LRRC8B: variants seen among roughly 807,000 people sequenced by gnomAD.
LRRC8B encodes the protein volume-regulated anion channel subunit LRRC8B.
Under a neutral mutation model 58.8 loss-of-function variants are expected in LRRC8B, and 23 were observed. That is an observed-to-expected ratio of 0.39 (90% confidence interval 0.28 to 0.55). The LOEUF is 0.55. LRRC8B is among the 20% of genes least tolerant of loss of function. LRRC8B has a pLI of 0.62. For missense variants in LRRC8B, 694 were observed against 936.0 expected (o/e 0.74, Z 3.37); for synonymous variants, 359 against 374.1 (o/e 0.96, Z 0.47).
rs200406835 is a variant in LRRC8B, at chr1:89,592,845, G to T, written c.2214G>T (p.Met738Ile). The change falls in exon 6 of 6, where the codon ATG becomes ATT. Residue 738 changes from methionine to isoleucine, a missense_variant. Coordinates refer to ENST00000330947, the MANE Select transcript of LRRC8B (RefSeq NM_001369817.2). Reference protein sequence around the residue: ...QCLLLGKNSLMNLSPHVGELS... With the variant: ...QCLLLGKNSLINLSPHVGELS... ...TACTTTTGGGGAAAAATAGCTTGAT[G>T]AATTTGTCCCCTCATGTGGGTGAGC... The T allele has an allele frequency of 1.2e-6, 2 of 1,614,026 alleles. No homozygotes were observed. The highest frequency in any genetic ancestry group is 1.7e-6 in the Non-Finnish European group (2 of 1,179,966).
chr1:89,537,183 G>C (rs2100816594), intron 1 of LRRC8B, among the ~76,000 whole-genome samples: 1 of 152,214 alleles, frequency 6.6e-6, no homozygotes, highest in African/African-American at 2.4e-5. Flanking sequence ...CTTGAGGCTT[G>C]AGTTCAAGGC....
At chr1:89,531,280 A>G (rs1309919939) in intron 1 of LRRC8B, among the ~76,000 whole-genome samples, 1 of 152,278 alleles carries the variant, frequency 6.6e-6, no homozygotes, top group East Asian at 1.9e-4. Flanking sequence ...TCTATGAAAC[A>G]AAGTGATAAT....
chr1:89,575,802 G>T (rs1557615359), intron 3 of LRRC8B, among the ~76,000 whole-genome samples: 1 of 152,096 alleles, frequency 6.6e-6, no homozygotes, highest in Non-Finnish European at 1.5e-5. Flanking sequence ...CTTGACTCCT[G>T]CCTCTCCGTG....
At position 89,556,136 on chromosome 1, in the gene LRRC8B, C is replaced by G. The variant is rs1204632496; in HGVS notation, c.-240-12111C>G. Among the ~76,000 whole-genome samples, 3 of 151,984 alleles carry G rather than the reference C, an allele frequency of 2.0e-5. No individual in the cohort carries two copies. The South Asian group carries it at 6.2e-4, about 32-fold the overall frequency. ...ACTGGAGATTTTCAGTCACTAACGG[C>G]CAATGTTATTTAATCAATGATGCCT... is the stretch of plus-strand genomic sequence containing the variant. On this transcript the variant is annotated intron_variant, in intron 1 of 5. Coordinates refer to ENST00000330947, the MANE Select transcript of LRRC8B (RefSeq NM_001369817.2).
chr1:89,529,863 A>AT (rs146916467), intron 1 of LRRC8B, among the ~76,000 whole-genome samples: 52 of 149,882 alleles, frequency 3.5e-4, no homozygotes, highest in South Asian at 3.0e-3. Flanking sequence ...ATTTCACAGT[A>AT]TTTTTTTTTT....
chr1:89,574,005 G>A (rs1454472050), intron 3 of LRRC8B, among the ~76,000 whole-genome samples: 1 of 152,214 alleles, frequency 6.6e-6, no homozygotes, highest in African/African-American at 2.4e-5. Context: ...TAAGAGACTT[G>A]TAGCATCTGC....
intron 1 of LRRC8B, among the ~76,000 whole-genome samples, chr1:89,539,307 G>GC (rs1324512443): frequency 6.6e-6 from 1 of 151,928 alleles, no homozygotes; most frequent in African/African-American, 2.4e-5. Flanking sequence ...TCATCTGTAT[G>GC]CCCTGTTACT....
rs1655327383 is a variant in LRRC8B, at chr1:89,596,765, A to G, written c.*3722A>G. 2 of 152,154 alleles carry G rather than the reference A, an allele frequency of 1.3e-5. No homozygotes were observed. Among genetic ancestry groups the G allele is most frequent in the African/African-American group, 4.8e-5 (2 of 41,438 alleles). The allele number at this position is 152,154 out of a possible 1,614,324, so 9.4% of individuals were successfully genotyped here. On this transcript the variant is annotated 3_prime_UTR_variant, in exon 6 of 6. Transcript: ENST00000330947. ...TATTTGTGCCAGAAGATTTGCAATG[A>G]TATTTGAGCATGTATTTATTTAGGA...
At chr1:89,592,039 C>T (rs1655012942) in intron 5 of LRRC8B, among the ~76,000 whole-genome samples, 1 of 152,084 alleles carries the variant, frequency 6.6e-6, no homozygotes, top group South Asian at 2.1e-4. Flanking sequence ...TACTGTGGCG[C>T]CCTTAGAAAT....
In LRRC8B at chr1:89,582,728, C is replaced by A; in HGVS notation, c.78C>A (p.Val26=). The change falls in exon 5 of 6, where the codon GTC becomes GTA. Residue 26 remains valine (V), a synonymous_variant. Coordinates refer to ENST00000330947, the MANE Select transcript of LRRC8B (RefSeq NM_001369817.2). ...ACATCTTAAAACCATGGTGGGACGT[C>A]TTCTGGTATTACATCACACTGATCA... ...SYHILKPWWD[V]FWYYITLIML... 1 of 1,614,198 alleles carries A rather than the reference C, an allele frequency of 6.2e-7. No individual in the cohort carries two copies. Among genetic ancestry groups the A allele is most frequent in the Non-Finnish European group, 8.5e-7 (1 of 1,180,028 alleles).
chr1:89,540,875 C>G (rs1444578148), intron 1 of LRRC8B, among the ~76,000 whole-genome samples: 2 of 152,186 alleles, frequency 1.3e-5, no homozygotes, highest in Non-Finnish European at 2.9e-5. Flanking sequence ...TTCCTTTTAT[C>G]AGAAGATCCT....
At chr1:89,587,581 C>A (rs1049110067) in intron 5 of LRRC8B, among the ~76,000 whole-genome samples, 1 of 152,146 alleles carries the variant, frequency 6.6e-6, no homozygotes, top group South Asian at 2.1e-4. Flanking sequence ...CATAGTTAGA[C>A]ATGCATATAC....
chr1:89,531,327 T>C (rs1489205422), intron 1 of LRRC8B, among the ~76,000 whole-genome samples: 1 of 152,258 alleles, frequency 6.6e-6, no homozygotes, highest in Non-Finnish European at 1.5e-5. Flanking sequence ...AATTTTATTA[T>C]GTGCACATGT....
chr1:89,544,070 A>G (rs1398005670), intron 1 of LRRC8B, among the ~76,000 whole-genome samples: 1 of 152,232 alleles, frequency 6.6e-6, no homozygotes, highest in Non-Finnish European at 1.5e-5. Flanking sequence ...TGCTGAGATT[A>G]CCATCATAAG....
chr1:89,583,181 A>T lies in LRRC8B; in HGVS notation c.531A>T (p.Ser177=). 1.9e-6 allele frequency: 3 copies of T among 1,614,186 alleles called. No homozygotes were observed. The highest frequency in any genetic ancestry group is 2.5e-6 in the Non-Finnish European group (3 of 1,180,038). ...TTTCAGAAACAGTGGCTGAGCAGTCAGTGAGGCCTCTGAAACTCTCCAAGT... is the reference window on the plus strand; with the variant it reads ...TTTCAGAAACAGTGGCTGAGCAGTCTGTGAGGCCTCTGAAACTCTCCAAGT... ...RALSETVAEQ[S]VRPLKLSKSK... Residue 177 remains serine (S), a synonymous_variant, in exon 5 of 6, where the codon TCA becomes TCT. Coordinates refer to ENST00000330947, the MANE Select transcript of LRRC8B (RefSeq NM_001369817.2). The surrounding 1 kb of genome is among the most constrained non-coding windows in gnomAD (Gnocchi z 5.2).
chr1:89,585,705 A>G (rs1654575362), intron 5 of LRRC8B, among the ~76,000 whole-genome samples: 1 of 152,140 alleles, frequency 6.6e-6, no homozygotes, highest in Admixed American at 6.6e-5. Context: ...GCTACTCAGG[A>G]GCCTGAGGCA....
intron 1 of LRRC8B, among the ~76,000 whole-genome samples, chr1:89,546,200 G>A (rs1421810325): frequency 6.6e-6 from 1 of 152,156 alleles, no homozygotes; most frequent in East Asian, 1.9e-4. Flanking sequence ...ATTTGATGGT[G>A]GGGGAGGATT....
chr1:89,578,471 T>G (rs1044685560), intron 3 of LRRC8B, among the ~76,000 whole-genome samples: 2 of 152,224 alleles, frequency 1.3e-5, no homozygotes, highest in South Asian at 4.1e-4. Context: ...TATGAATTAG[T>G]GTACAGCTAG....
chr1:89,530,397 A>AAATG (rs1033597040), intron 1 of LRRC8B, among the ~76,000 whole-genome samples: 1 of 151,334 alleles, frequency 6.6e-6, no homozygotes, highest in African/African-American at 2.4e-5. Context: ...ATAAATAAAT[A>AAATG]AGAGTATATA....
Sources: gnomAD v4.1 joint callset for allele counts (sites outside exome capture counted in the v4.1 genomes callset) on GRCh38, gnomAD v4.1.1 for gene constraint, Gnocchi (gnomAD v3.1) non-coding constraint, MANE v1.5 for transcripts, NCBI Gene and HGNC (gene_info 2026-07-23, HGNC 2026-07-21) for gene names.